RPUSD4: variants seen among roughly 807,000 people sequenced by gnomAD.
The protein encoded by RPUSD4 is pseudouridylate synthase RPUSD4, mitochondrial.
RPUSD4 carries 37 observed loss-of-function variants against 35.4 expected under a neutral mutation model. That is an observed-to-expected ratio of 1.04 (90% CI 0.80 to 1.37). The LOEUF (loss-of-function observed/expected upper bound fraction) is 1.37. Among genes scored for constraint, RPUSD4 ranks in the 40% most tolerant of loss-of-function variants. The pLI, the probability that RPUSD4 is intolerant of heterozygous loss-of-function variation, is 0.00. For missense variants in RPUSD4, 507 were observed against 484.9 expected (o/e 1.05, Z -0.43); for synonymous variants, 210 against 192.7 (o/e 1.09, Z -0.74).
intron 5 of RPUSD4, among the ~76,000 whole-genome samples, chr11:126,204,540 C>A (rs1001150885): frequency 2.0e-5 from 3 of 152,152 alleles, no homozygotes; most frequent in Non-Finnish European, 2.9e-5. Context: ...CTCTAAGTAC[C>A]TCTCCCCACC....
intron 3 of RPUSD4, chr11:126,209,211 C>T (rs544334496): frequency 3.9e-5 from 10 of 257,672 alleles, no homozygotes; most frequent in African/African-American, 1.4e-4. Context: ...GGCTGTTCTC[C>T]GACTCTTGGC....
At chr11:126,203,797 G>T in intron 6 of RPUSD4, 140 bp from the exon 7 acceptor site, 1 of 1,120,462 alleles carries the variant, frequency 8.9e-7, no homozygotes, top group South Asian at 1.7e-5. Flanking sequence ...CTGCTTCAGT[G>T]GCATGTCTAA....
chr11:126,205,926 T>A, intron 3 of RPUSD4, 145 bp from the exon 4 acceptor site: 1 of 593,222 alleles, frequency 1.7e-6, no homozygotes, highest in Non-Finnish European at 2.9e-6. Flanking sequence ...TCTCTTGGTG[T>A]AATGCTTAGC....
rs557013960 is a variant in RPUSD4, at chr11:126,210,835, C to A, written c.355+55G>T. 15 of 1,535,938 alleles carry A rather than the reference C, an allele frequency of 9.8e-6. No homozygotes were observed. The South Asian group carries it at 1.8e-4, about 19-fold the overall frequency. ...CCACAAGTAACGTCTCAGTTTTCCT[C>A]GGTTGTAGCAGAAAGCAGCTGCAGG... is the stretch of plus-strand genomic sequence containing the variant. On this transcript the variant is annotated intron_variant, in intron 2 of 6. Coordinates refer to ENST00000298317, the MANE Select transcript of RPUSD4 (RefSeq NM_032795.3).
At position 126,205,760 on chromosome 11, in the gene RPUSD4, G is replaced by A. The variant is rs1261197136; in HGVS notation, c.579C>T (p.Pro193=). ...TGTCCACGACTCCTGCTGAGGGCAT[G>A]GGGACATGCACAGTGATGGCCCTGG... ...KKYWAITVHV[P]MPSAGVVDIP... The change falls in exon 4 of 7, where the codon CCC becomes CCT. Residue 193 remains proline, a synonymous_variant. Transcript: ENST00000298317. 6.2e-7 allele frequency: 1 copy of A among 1,610,684 alleles called. No homozygotes were observed. The highest frequency in any genetic ancestry group is 8.5e-7 in the Non-Finnish European group (1 of 1,177,940).
chr11:126,209,148 T>C (rs1252485409), intron 3 of RPUSD4: 1 of 194,662 alleles, frequency 5.1e-6, no homozygotes, highest in Non-Finnish European at 1.1e-5. Flanking sequence ...TGTGCCACTA[T>C]ACCGGACTAA....
intron 6 of RPUSD4, 47 bp from the exon 7 acceptor site, chr11:126,203,704 C>A: frequency 6.3e-7 from 1 of 1,576,878 alleles, no homozygotes; most frequent in South Asian, 1.1e-5. Context: ...CAACAGTCCA[C>A]CCTTGACGAA....
At position 126,205,591 on chromosome 11, in the gene RPUSD4, G is replaced by A. The variant is rs775753062; in HGVS notation, c.673C>T (p.Arg225Cys). ...TTCACCATTTTCCCATCGTCCATGCGGTAGCTCGGGGACAATGTCATCTGA... is the reference window on the plus strand; with the variant it reads ...TTCACCATTTTCCCATCGTCCATGCAGTAGCTCGGGGACAATGTCATCTGA... ...HHKMTLSPSY[R>C]MDDGKMVKVR... Residue 225 changes from arginine to cysteine, a missense_variant, in exon 5 of 7, where the codon CGC (arginine) becomes TGC (cysteine). Arg to Cys is a radical substitution (Grantham distance 180, BLOSUM62 -3). Transcript: ENST00000298317. The A allele has an allele frequency of 2.4e-5, 39 of 1,614,260 alleles. No homozygotes were observed. Among genetic ancestry groups the A allele is most frequent in the Non-Finnish European group, 3.1e-5 (37 of 1,180,054 alleles).
rs749294127 is a variant in RPUSD4, at chr11:126,203,605, C to T, written c.947G>A (p.Arg316His). Residue 316 changes from arginine to histidine, a missense_variant, in exon 7 of 7, where the codon CGC becomes CAC. By Grantham distance (29) the Arg-to-His change is conservative. Transcript: ENST00000298317. ...GGCGTGCAGGTGAAGGGGGATGTAG[C>T]GGGCCTTCGACTGTTCTAGCCCCAG... ...KKLGLEQSKA[R>H]YIPLHLHARQ... The T allele has an allele frequency of 5.0e-6, 8 of 1,614,164 alleles. No individual in the cohort carries two copies. Among genetic ancestry groups the T allele is most frequent in the East Asian group, 4.5e-5 (2 of 44,888 alleles).
chr11:126,206,299 C>T (rs1230971222), intron 3 of RPUSD4: 1 of 152,162 alleles, frequency 6.6e-6, no homozygotes, highest in African/African-American at 2.4e-5. Flanking sequence ...CACATGTAAT[C>T]CCAATACTTT....
At chr11:126,210,464 G>A (rs531017255) in intron 2 of RPUSD4, among the ~76,000 whole-genome samples, 1 of 151,084 alleles carries the variant, frequency 6.6e-6, no homozygotes, top group East Asian at 2.0e-4. Flanking sequence ...GACATTTGAA[G>A]GTCCACTAAA....
intron 3 of RPUSD4, among the ~76,000 whole-genome samples, chr11:126,206,894 T>G (rs997256895): frequency 2.6e-5 from 4 of 152,146 alleles, no homozygotes; most frequent in African/African-American, 9.7e-5. Context: ...AGAATGTCCT[T>G]CCTAATGATA....
Position 126,205,691 on chromosome 11 carries a change from G to C in RPUSD4, c.648C>G (p.His216Gln), listed in dbSNP as rs1949765956. 6.2e-7 allele frequency: 1 copy of C among 1,613,436 alleles called. No individual in the cohort carries two copies. Among genetic ancestry groups the C allele is most frequent in the African/African-American group, 1.3e-5 (1 of 74,952 alleles). Reference protein sequence around the residue: ...EKEAQGQQQHHKMTLSPSYRM... With the variant: ...EKEAQGQQQHQKMTLSPSYRM... The stretch of plus-strand genomic sequence containing the variant: ...CTCAGGGAGGCTGCTCGCTCACCTT[G>C]TGGTGTTGCTGCTGGCCTTGCGCCT... Residue 216 changes from histidine to glutamine, a missense_variant, in exon 4 of 7, where the codon CAC becomes CAG. Transcript: ENST00000298317.
At position 126,204,231 on chromosome 11, in the gene RPUSD4, C is replaced by CT; in HGVS notation, c.893dup (p.Lys299GlufsTer65). 1 of 1,610,108 alleles carries CT rather than the reference C, an allele frequency of 6.2e-7. No individual in the cohort carries two copies. Among genetic ancestry groups the CT allele is most frequent in the Non-Finnish European group, 8.5e-7 (1 of 1,177,216 alleles). On this transcript the variant is annotated frameshift_variant and splice_region_variant, in exon 6 of 7. Transcript: ENST00000298317. LOFTEE classifies it low-confidence loss of function (END_TRUNC). The stretch of plus-strand genomic sequence containing the variant: ...GCACATTGGGTCAAATTAGTATTAC[C>CT]TGGGGGGCCAACCTATTCCAGTCTG...
intron 3 of RPUSD4, chr11:126,206,071 T>A (rs538116409): frequency 3.7e-6 from 1 of 268,744 alleles, no homozygotes; most frequent in African/African-American, 2.2e-5. Context: ...AAAATGGATA[T>A]GTACAGTTAA....
Position 126,211,031 on chromosome 11 carries a change from T to C in RPUSD4, c.214A>G (p.Arg72Gly), listed in dbSNP as rs1163508047. 2 of 1,613,800 alleles carry C rather than the reference T, an allele frequency of 1.2e-6. No homozygotes were observed. Among genetic ancestry groups the C allele is most frequent in the Non-Finnish European group, 1.7e-6 (2 of 1,180,030 alleles). ...EPVSTNAVQR[R>G]VQEIVRFTRQ... ...GTGAACCGCACTATTTCTTGCACTC[T>C]CCGCTGAACAGCGTTTGTGGACACC... The change falls in exon 2 of 7, where the codon AGA becomes GGA. Residue 72 changes from arginine to glycine, a missense_variant. Physicochemically the swap from Arg to Gly is moderately radical, Grantham distance 125 (BLOSUM62 -2). Coordinates refer to ENST00000298317, the MANE Select transcript of RPUSD4 (RefSeq NM_032795.3).
chr11:126,204,035 T>G (rs1949742351), intron 6 of RPUSD4, among the ~76,000 whole-genome samples, 196 bp downstream of exon 6: 1 of 152,184 alleles, frequency 6.6e-6, no homozygotes, highest in African/African-American at 2.4e-5. Flanking sequence ...CAGTAAGCTT[T>G]TCACTAACAG....
In RPUSD4 at chr11:126,210,939, C is replaced by T; in HGVS notation, c.306G>A (p.Gln102=). The T allele has an allele frequency of 1.2e-6, 2 of 1,614,124 alleles. No individual in the cohort carries two copies. Among genetic ancestry groups the T allele is most frequent in the Non-Finnish European group, 1.7e-6 (2 of 1,180,020 alleles). The part of the protein sequence containing the change: ...AKALTRGILH[Q]DKNLVVINKP... ...TATTGATGACCACAAGGTTCTTGTC[C>T]TGGTGGAGAATTCCTCGGGTCAGTG... The change falls in exon 2 of 7, where the codon CAG becomes CAA. Residue 102 remains glutamine (Q), a synonymous_variant. Transcript: ENST00000298317.
In RPUSD4 at chr11:126,203,567, G is replaced by A. The variant is rs762188904; in HGVS notation, c.985C>T (p.Leu329=). 2.5e-6 allele frequency: 4 copies of A among 1,614,220 alleles called. No individual in the cohort carries two copies. Among genetic ancestry groups the A allele is most frequent in the Admixed American group, 1.7e-5 (1 of 60,024 alleles). ...TCCTTCCCGGACCCCAGGGCAGGCA[G>A]GATCAGCTGCCGGGCGTGCAGGTGA... ...PLHLHARQLI[L]PALGSGKEEL... Residue 329 remains leucine (L), a synonymous_variant, in exon 7 of 7, where the codon CTG becomes TTG. Transcript: ENST00000298317.
Sources: gnomAD v4.1 joint callset for allele counts (sites outside exome capture counted in the v4.1 genomes callset) on GRCh38, gnomAD v4.1.1 for gene constraint, MANE v1.5 for transcripts, NCBI Gene and HGNC (gene_info 2026-07-23, HGNC 2026-07-21) for gene names.